Variants in CELSR3 observed in about 807,000 individuals in gnomAD.
CELSR3 encodes cadherin EGF LAG seven-pass G-type receptor 3.
CELSR3 carries 73 observed loss-of-function variants against 270.0 expected under a neutral mutation model. The observed-to-expected ratio is 0.27, with a 90% CI of 0.22 to 0.33. The LOEUF (loss-of-function observed/expected upper bound fraction) is 0.33. CELSR3 is among the 10% of genes least tolerant of loss of function. The pLI is 1.00. For missense variants in CELSR3, 3,614 were observed against 4,533.8 expected (o/e 0.80, Z 5.83); for synonymous variants, 1,780 against 1,905.4 (o/e 0.93, Z 1.71).
chr3:48,645,857 T>C lies in CELSR3; in HGVS notation c.7475A>G (p.His2492Arg), dbSNP rs755133495. Residue 2492 changes from histidine (H) to arginine (R), a missense_variant, in exon 23 of 35, where the codon CAT becomes CGT. By Grantham distance (29) the His-to-Arg change is conservative. This residue lies in a region of CELSR3 where 1,240 missense variants were observed against 1,351.7 expected (regional missense o/e 0.92). Transcript: ENST00000164024. The surrounding 1 kb of genome is among the most constrained non-coding windows in gnomAD (Gnocchi z 5.4). ...QWDPPGLAEQ[H>R]GVWTARDCEL... The stretch of plus-strand genomic sequence containing the variant: ...GCAGTCCCGTGCTGTCCACACACCA[T>C]GCTGCTCCGCCCTGCAGCCACAGGG... 2 of 1,601,958 alleles carry C rather than the reference T, an allele frequency of 1.2e-6. No homozygotes were observed. Among genetic ancestry groups the C allele is most frequent in the Non-Finnish European group, 8.5e-7 (1 of 1,173,232 alleles).
chr3:48,652,944 A>G lies in CELSR3; in HGVS notation c.5634+58T>C. The G allele has an allele frequency of 6.8e-7, 1 of 1,474,640 alleles. No homozygotes were observed. Among genetic ancestry groups the G allele is most frequent in the Non-Finnish European group, 9.4e-7 (1 of 1,063,960 alleles). The allele number at this position is 1,474,640 out of a possible 1,614,324, so 91.3% of individuals were successfully genotyped here. On this transcript the variant is annotated intron_variant, in intron 10 of 34. Transcript: ENST00000164024. The surrounding 1 kb of genome is among the most constrained non-coding windows in gnomAD (Gnocchi z 4.3). ...GGAGCTGGACTAGAGGTGGGGTCAA[A>G]TAAGGCGGATCTGGTTGGAAGGCTG...
chr3:48,640,202 C>T lies in CELSR3; in HGVS notation c.9383G>A (p.Arg3128Gln), dbSNP rs376118849. The T allele has an allele frequency of 1.2e-5, 20 of 1,612,634 alleles. No individual in the cohort carries two copies. Among genetic ancestry groups the T allele is most frequent in the East Asian group, 2.2e-5 (1 of 44,888 alleles). Residue 3128 changes from arginine (R) to glutamine (Q), a missense_variant, in exon 34 of 35, where the codon CGG (arginine) becomes CAG (glutamine). Around this residue, in one of 7 missense-constraint regions of CELSR3, gnomAD observed 1,240 missense variants for 1,351.7 expected, o/e 0.92. Transcript: ENST00000164024. This position sits in a 1 kb window ranked among gnomAD's most constrained non-coding sequence, Gnocchi z 7.5. Reference protein sequence around the residue: ...GSTLPRRQPPRDYPGAMAGRF... With the variant: ...GSTLPRRQPPQDYPGAMAGRF... ...GCCAGCCATGGCGCCAGGGTAGTCC[C>T]GAGGTGGCTGCCTCCGTGGCAGGGT... is the stretch of plus-strand genomic sequence containing the variant.
intron 2 of CELSR3, 106 bp downstream of exon 2, chr3:48,656,592 A>C: frequency 7.3e-7 from 1 of 1,371,024 alleles, no homozygotes; most frequent in Non-Finnish European, 9.5e-7. Context: ...GCGCGTCCAT[A>C]CCAGGCCGTG....
chr3:48,641,542 G>A lies in CELSR3; in HGVS notation c.8825-18C>T. The A allele has an allele frequency of 1.3e-6, 2 of 1,591,822 alleles. No homozygotes were observed. ...ATCCACATCTGTGGAGCCAGGTCAG[G>A]TTACAGGAGCTTCTGGGTTGATCCC... On this transcript the variant is annotated intron_variant, in intron 32 of 34. Transcript: ENST00000164024. The surrounding 1 kb of genome is among the most constrained non-coding windows in gnomAD (Gnocchi z 4.8).
At position 48,650,018 on chromosome 3, in the gene CELSR3, T is replaced by C. The variant is rs78087664; in HGVS notation, c.6472+462A>G. ...GACTGAGGAGGGATCTTTCGTGACC[T>C]CAGGCAGTGGGGAAAGTTCTATGGG... On this transcript the variant is annotated intron_variant, in intron 16 of 34. Coordinates refer to ENST00000164024, the MANE Select transcript of CELSR3 (RefSeq NM_001407.3). This position sits in a 1 kb window ranked among gnomAD's most constrained non-coding sequence, Gnocchi z 5.1. 9.3e-5 allele frequency among the ~76,000 whole-genome samples: 14 copies of C among 150,932 alleles called. No homozygotes were observed. In the East Asian group the frequency reaches 2.6e-3, roughly 28 times the overall value.
intron 27 of CELSR3, 159 bp from the exon 28 acceptor site, chr3:48,643,836 G>C: frequency 1.2e-6 from 1 of 804,694 alleles, no homozygotes; most frequent in South Asian, 1.9e-5. Context: ...GGGGAGATGG[G>C]AGGTCCCACA....
chr3:48,641,460 A>G lies in CELSR3; in HGVS notation c.8889T>C (p.Cys2963=), dbSNP rs1346220129. The G allele has an allele frequency of 1.2e-6, 2 of 1,612,332 alleles. No homozygotes were observed. The highest frequency in any genetic ancestry group is 1.7e-6 in the Non-Finnish European group (2 of 1,179,686). ...TTTCAGAGCCCCAAGTCTGCAGAGC[A>G]CAGGGGGCTGCCTCGCACTCCCCCA... The part of the protein sequence containing the change: ...PALGECEAAP[C]ALQTWGSERR... The change falls in exon 33 of 35, where the codon TGT becomes TGC. Residue 2963 remains cysteine, a synonymous_variant. Coordinates refer to ENST00000164024, the MANE Select transcript of CELSR3 (RefSeq NM_001407.3). The surrounding 1 kb of genome is among the most constrained non-coding windows in gnomAD (Gnocchi z 4.8).
rs888284465 is a variant in CELSR3, at chr3:48,657,877, A to G, written c.3749-529T>C. Among the ~76,000 whole-genome samples the G allele has an allele frequency of 3.9e-5, 6 of 152,194 alleles. No individual in the cohort carries two copies. Among genetic ancestry groups the G allele is most frequent in the Non-Finnish European group, 8.8e-5 (6 of 68,040 alleles). On this transcript the variant is annotated intron_variant, in intron 1 of 34. Coordinates refer to ENST00000164024, the MANE Select transcript of CELSR3 (RefSeq NM_001407.3). This position sits in a 1 kb window ranked among gnomAD's most constrained non-coding sequence, Gnocchi z 5.4. ...TTTTTGGTCAGCAAATTGCTCTTCCATGACACTAGAAGGGGCCCTGGCCCA... is the reference window on the plus strand; with the variant it reads ...TTTTTGGTCAGCAAATTGCTCTTCCGTGACACTAGAAGGGGCCCTGGCCCA...
chr3:48,655,560 C>A lies in CELSR3; in HGVS notation c.4742-166G>T, dbSNP rs903631133. On this transcript the variant is annotated intron_variant, in intron 4 of 34. Coordinates refer to ENST00000164024, the MANE Select transcript of CELSR3 (RefSeq NM_001407.3). The surrounding 1 kb of genome is among the most constrained non-coding windows in gnomAD (Gnocchi z 5.8). Reference sequence around the variant, plus strand: ...AGTGCCTTTGAACAGACAGGAGAAACAGACTTCTTGGAGGGAGGGACCTTC... The same window carrying A: ...AGTGCCTTTGAACAGACAGGAGAAAAAGACTTCTTGGAGGGAGGGACCTTC... Among the ~76,000 whole-genome samples the A allele has an allele frequency of 5.3e-5, 8 of 152,192 alleles. No individual in the cohort carries two copies. Among genetic ancestry groups the A allele is most frequent in the Non-Finnish European group, 8.8e-5 (6 of 68,036 alleles).
chr3:48,641,838 G>GGGCGCCTGGCACCTT lies in CELSR3; in HGVS notation c.8822_8824+12dup. On this transcript the variant is annotated intron_variant, in intron 32 of 34. Transcript: ENST00000164024. This position sits in a 1 kb window ranked among gnomAD's most constrained non-coding sequence, Gnocchi z 4.8. ...TCCCTTGGTCACCCAAGGGGTCAGA[G>GGGCGCCTGGCACCTT]GGCGCCTGGCACCTTTGGGGTGGGT... 1 of 1,451,632 alleles carries GGGCGCCTGGCACCTT rather than the reference G, an allele frequency of 6.9e-7. No individual in the cohort carries two copies. The highest frequency in any genetic ancestry group is 9.1e-7 in the Non-Finnish European group (1 of 1,099,904). 89.9% of individuals were successfully genotyped at this position (1,451,632 alleles called of 1,614,324 possible). A position where few individuals can be genotyped will look rare whatever the true frequency, so the allele number is the denominator to read the frequency against.
Position 48,652,922 on chromosome 3 carries a change from G to T in CELSR3, c.5634+80C>A. The T allele has an allele frequency of 8.5e-7, 1 of 1,172,218 alleles. No homozygotes were observed. Among genetic ancestry groups the T allele is most frequent in the Non-Finnish European group, 1.3e-6 (1 of 797,282 alleles). 72.6% of individuals were successfully genotyped at this position (1,172,218 alleles called of 1,614,324 possible). ...AGTGCAGTGGAGGGAACTGAGAGGAGCTGGACTAGAGGTGGGGTCAAATAA... is the reference window on the plus strand; with the variant it reads ...AGTGCAGTGGAGGGAACTGAGAGGATCTGGACTAGAGGTGGGGTCAAATAA... On this transcript the variant is annotated intron_variant, in intron 10 of 34. Transcript: ENST00000164024. This position sits in a 1 kb window ranked among gnomAD's most constrained non-coding sequence, Gnocchi z 4.3.
Position 48,646,321 on chromosome 3 carries a change from A to C in CELSR3, c.7296-64T>G. ...TCCCCATGCTCAGCCTGCTTGCCTC[A>C]CCCCGTCTTCATGCCACTCGCCAGG... On this transcript the variant is annotated intron_variant, in intron 21 of 34. Coordinates refer to ENST00000164024, the MANE Select transcript of CELSR3 (RefSeq NM_001407.3). The surrounding 1 kb of genome is among the most constrained non-coding windows in gnomAD (Gnocchi z 4.8). 2 of 1,511,790 alleles carry C rather than the reference A, an allele frequency of 1.3e-6. No homozygotes were observed. Among genetic ancestry groups the C allele is most frequent in the Non-Finnish European group, 1.8e-6 (2 of 1,120,462 alleles). 93.6% of individuals were successfully genotyped at this position (1,511,790 alleles called of 1,614,324 possible). A position where few individuals can be genotyped will look rare whatever the true frequency, so the allele number is the denominator to read the frequency against.
rs2077054401 is a variant in CELSR3 at position 48,659,946 on chromosome 3, G to A, written c.2689C>T (p.Leu897=). 6.2e-7 allele frequency: 1 copy of A among 1,614,082 alleles called. No individual in the cohort carries two copies. Among genetic ancestry groups the A allele is most frequent in the Admixed American group, 1.7e-5 (1 of 60,012 alleles). ...VGENARITYL[L]EDNLPQFRID... ...CGGAACTGGGGCAGGTTGTCCTCCA[G>A]GAGATAGGTGATACGAGCATTCTCA... The change falls in exon 1 of 35, where the codon CTG becomes TTG. Residue 897 remains leucine (L), a synonymous_variant. Coordinates refer to ENST00000164024, the MANE Select transcript of CELSR3 (RefSeq NM_001407.3). This position sits in a 1 kb window ranked among gnomAD's most constrained non-coding sequence, Gnocchi z 8.1.
chr3:48,650,448 C>G lies in CELSR3; in HGVS notation c.6472+32G>C. 8.2e-7 allele frequency: 1 copy of G among 1,221,704 alleles called. No homozygotes were observed. Among genetic ancestry groups the G allele is most frequent in the Non-Finnish European group, 1.2e-6 (1 of 853,626 alleles). The allele number at this position is 1,221,704 out of a possible 1,614,324, so 75.7% of individuals were successfully genotyped here. Reference sequence around the variant, plus strand: ...GTCAGAGTACAGGCCCACCCCCACCCTCAGTGATGTCCTTTCCCCCCACAT... The same window carrying G: ...GTCAGAGTACAGGCCCACCCCCACCGTCAGTGATGTCCTTTCCCCCCACAT... On this transcript the variant is annotated intron_variant, in intron 16 of 34. Coordinates refer to ENST00000164024, the MANE Select transcript of CELSR3 (RefSeq NM_001407.3). This position sits in a 1 kb window ranked among gnomAD's most constrained non-coding sequence, Gnocchi z 5.1.
rs199827898 is a variant in CELSR3 at position 48,648,865 on chromosome 3, G to A, written c.6631C>T (p.Arg2211Trp). The change falls in exon 18 of 35, where the codon CGG becomes TGG. Residue 2211 changes from arginine (R) to tryptophan (W), a missense_variant. Transcript: ENST00000164024. ...DTMEAKKLAQ[R>W]LREVTGHTDH... ...GTGTGGCCAGTCACCTCCCGTAGCC[G>A]CTGAGCCAGCTTCTTGGCCTCCATG... is the stretch of plus-strand genomic sequence containing the variant. 2.0e-5 allele frequency: 32 copies of A among 1,612,782 alleles called. No homozygotes were observed. Among genetic ancestry groups the A allele is most frequent in the South Asian group, 3.3e-5 (3 of 91,092 alleles).
chr3:48,651,108 G>A lies in CELSR3; in HGVS notation c.6187-33C>T, dbSNP rs573751193. On this transcript the variant is annotated intron_variant, in intron 14 of 34. Transcript: ENST00000164024. The surrounding 1 kb of genome is among the most constrained non-coding windows in gnomAD (Gnocchi z 7.4). ...AGGATGGGCCAGGGGCCTGAAGTCA[G>A]AGGTCAGGGCTTGGGGAATGAGTGG... The A allele has an allele frequency of 1.6e-4, 243 of 1,536,680 alleles. 3 individuals are homozygous for A. In the South Asian group the frequency reaches 3.0e-3, roughly 19 times the overall value.
chr3:48,653,471 C>T lies in CELSR3; in HGVS notation c.5448+148G>A, dbSNP rs1281085999. ...GAGGATATAATGATGGAAAGAGAAT[C>T]AAGGGCTAGGGTCCAGAGCAGGGTC... is the stretch of plus-strand genomic sequence containing the variant. On this transcript the variant is annotated intron_variant, in intron 9 of 34. Transcript: ENST00000164024. The surrounding 1 kb of genome is among the most constrained non-coding windows in gnomAD (Gnocchi z 6.5). 6 of 957,046 alleles carry T rather than the reference C, an allele frequency of 6.3e-6. No individual in the cohort carries two copies. The highest frequency in any genetic ancestry group is 7.9e-6 in the Non-Finnish European group (5 of 633,054). 59.3% of individuals were successfully genotyped at this position (957,046 alleles called of 1,614,324 possible). A position where few individuals can be genotyped will look rare whatever the true frequency, so the allele number is the denominator to read the frequency against.
In CELSR3 at chr3:48,639,758, G is replaced by C; in HGVS notation, c.9827C>G (p.Pro3276Arg). ...TPLGPHTTATPSATASVLGPS... is the reference protein window; with the variant it reads ...TPLGPHTTATRSATASVLGPS... ...CCCAAGCACAGAGGCTGTGGCAGAA[G>C]GTGTGGCAGTGGTGTGAGGGCCCAA... Residue 3276 changes from proline (P) to arginine (R), a missense_variant, in exon 34 of 35, where the codon CCT (proline) becomes CGT (arginine). Coordinates refer to ENST00000164024, the MANE Select transcript of CELSR3 (RefSeq NM_001407.3). The surrounding 1 kb of genome is among the most constrained non-coding windows in gnomAD (Gnocchi z 4.1). 6.2e-7 allele frequency: 1 copy of C among 1,613,788 alleles called. No homozygotes were observed. The highest frequency in any genetic ancestry group is 2.2e-5 in the East Asian group (1 of 44,880).
In CELSR3 at chr3:48,661,772, G is replaced by A; in HGVS notation, c.863C>T (p.Pro288Leu). Residue 288 changes from proline to leucine, a missense_variant, in exon 1 of 35, where the codon CCG becomes CTG. Physicochemically the swap from Pro to Leu is moderately conservative, Grantham distance 98. Coordinates refer to ENST00000164024, the MANE Select transcript of CELSR3 (RefSeq NM_001407.3). Reference protein sequence around the residue: ...SRGLFRCRFLPQRPGPRPPGL... With the variant: ...SRGLFRCRFLLQRPGPRPPGL... ...CGGGGGACGCGGCCCGGGGCGCTGC[G>A]GGAGGAAGCGGCAGCGGAAGAGACC... is the stretch of plus-strand genomic sequence containing the variant. The A allele has an allele frequency of 6.3e-7, 1 of 1,599,886 alleles. No individual in the cohort carries two copies. The highest frequency in any genetic ancestry group is 8.5e-7 in the Non-Finnish European group (1 of 1,175,044).
Sources: gnomAD v4.1 joint callset for allele counts (sites outside exome capture counted in the v4.1 genomes callset) on GRCh38, gnomAD v4.1.1 for gene constraint, gnomAD v4.1.1 regional missense constraint, Gnocchi (gnomAD v3.1) non-coding constraint, MANE v1.5 for transcripts, NCBI Gene and HGNC (gene_info 2026-07-23, HGNC 2026-07-21) for gene names.